Variants in NTSR1 observed in about 807,000 individuals in gnomAD.
NTSR1 encodes neurotensin receptor 1, also known as neurotensin receptor type 1.
Under a neutral mutation model 31.2 loss-of-function variants are expected in NTSR1, and 29 were observed. That is an observed-to-expected ratio of 0.93 (90% CI 0.69 to 1.27). NTSR1 has a LOEUF of 1.27. Ranked by LOEUF, NTSR1 falls within the 50% of genes most tolerant of loss-of-function variation. The probability of loss-of-function intolerance (pLI) is 0.00; values close to 1 mark genes in which losing one functional copy is unlikely to be tolerated. For missense variants in NTSR1, 697 were observed against 595.4 expected (o/e 1.17, Z -1.78); for synonymous variants, 282 against 269.9 (o/e 1.04, Z -0.44).
chr20:62,712,940 C>T (rs768186314), intron 1 of NTSR1, among the ~76,000 whole-genome samples: 3 of 152,208 alleles, frequency 2.0e-5, no homozygotes, highest in Non-Finnish European at 4.4e-5. Context: ...CTGTCCATGG[C>T]GTGTATACTG....
chr20:62,716,614 T>TGTTGGTTGTGGTTCAAAGCTCGTG (rs1988729156), intron 1 of NTSR1, among the ~76,000 whole-genome samples: 6 of 152,104 alleles, frequency 3.9e-5, no homozygotes, highest in African/African-American at 1.2e-4. Flanking sequence ...CGTGAGTCTG[T>TGTTGGTTGTGGTTCAAAGCTCGTG]GAAAAACAAC....
chr20:62,748,918 G>A (rs1006751281), intron 1 of NTSR1, among the ~76,000 whole-genome samples: 16 of 152,230 alleles, frequency 1.1e-4, no homozygotes, highest in South Asian at 2.1e-4. Flanking sequence ...GAACTTTTCC[G>A]AGAGTCCCCC....
At chr20:62,730,587 G>A (rs1306221180) in intron 1 of NTSR1, among the ~76,000 whole-genome samples, 2 of 152,188 alleles carry the variant, frequency 1.3e-5, no homozygotes, top group Non-Finnish European at 2.9e-5. Context: ...CACCCCTTTG[G>A]GAGTAGAAAT....
intron 1 of NTSR1, among the ~76,000 whole-genome samples, chr20:62,730,829 A>C (rs1489130157): frequency 1.3e-5 from 2 of 152,212 alleles, no homozygotes; most frequent in East Asian, 3.8e-4. Context: ...TTCTCTAATG[A>C]CATATGATGT....
chr20:62,713,213 C>A (rs1988651335), intron 1 of NTSR1, among the ~76,000 whole-genome samples: 1 of 152,230 alleles, frequency 6.6e-6, no homozygotes, highest in Admixed American at 6.5e-5. Flanking sequence ...GCTCAGCCTC[C>A]CTGCCTCCTC....
chr20:62,719,490 G>A lies in NTSR1; in HGVS notation c.714+9569G>A, dbSNP rs77903992. 7.7e-3 allele frequency among the ~76,000 whole-genome samples: 1,083 copies of A among 141,484 alleles called. 9 individuals carry two copies. The highest frequency in any genetic ancestry group is 0.027 in the African/African-American group (1,037 of 38,836). The allele number at this position is 141,484 out of a possible 152,430, so 92.8% of individuals were successfully genotyped here. On this transcript the variant is annotated intron_variant, in intron 1 of 3. Coordinates refer to ENST00000370501, the MANE Select transcript of NTSR1 (RefSeq NM_002531.3). Reference sequence around the variant, plus strand: ...TACGATCATCCCCACCCTCCCTCTCGGTACATCGTCATGCGACCATCTCCA... The same window carrying A: ...TACGATCATCCCCACCCTCCCTCTCAGTACATCGTCATGCGACCATCTCCA...
intron 1 of NTSR1, among the ~76,000 whole-genome samples, chr20:62,749,726 A>C (rs1386889190): frequency 6.6e-6 from 1 of 152,184 alleles, no homozygotes; most frequent in South Asian, 2.1e-4. Flanking sequence ...GGAAACTGCA[A>C]ATCAAAACCA....
chr20:62,738,409 A>T (rs1209564350), intron 1 of NTSR1, among the ~76,000 whole-genome samples: 1 of 152,242 alleles, frequency 6.6e-6, no homozygotes, highest in Non-Finnish European at 1.5e-5. Context: ...AGCTGCCAGC[A>T]GTAATAGCCC....
At chr20:62,717,393 G>C (rs1451918884) in intron 1 of NTSR1, among the ~76,000 whole-genome samples, 1 of 152,200 alleles carries the variant, frequency 6.6e-6, no homozygotes, top group East Asian at 1.9e-4. Flanking sequence ...GGTGGTTTTG[G>C]GTTGTCCCCA....
intron 1 of NTSR1, among the ~76,000 whole-genome samples, chr20:62,710,927 C>T (rs1021952505): frequency 6.6e-6 from 1 of 152,176 alleles, no homozygotes; most frequent in Non-Finnish European, 1.5e-5. Context: ...TCGCCTACCT[C>T]TGCCCAGCTA....
In NTSR1 at chr20:62,733,641, T is replaced by G. The variant is rs199655085; in HGVS notation, c.715-21044T>G. On this transcript the variant is annotated intron_variant, in intron 1 of 3. Transcript: ENST00000370501. The surrounding 1 kb of genome is among the most constrained non-coding windows in gnomAD (Gnocchi z 5.2). ...ACACACATGGAGAAAAAGAGGGAGA[T>G]AGAGAAGAGAGAGGGAGAGAGAAAA... Among the ~76,000 whole-genome samples, 7 of 147,674 alleles carry G rather than the reference T, an allele frequency of 4.7e-5. No individual in the cohort carries two copies. The highest frequency in any genetic ancestry group is 1.5e-4 in the African/African-American group (6 of 40,302).
Position 62,709,724 on chromosome 20 carries a change from C to G in NTSR1, c.517C>G (p.Pro173Ala). ...GGAGCGCTACCTGGCCATCTGCCAC[C>G]CCTTCAAGGCCAAGACCCTCATGTC... is the stretch of plus-strand genomic sequence containing the variant. ...SVERYLAICHPFKAKTLMSRS... is the reference protein window; with the variant it reads ...SVERYLAICHAFKAKTLMSRS... Residue 173 changes from proline to alanine, a missense_variant, in exon 1 of 4, where the codon CCC (proline) becomes GCC (alanine). By Grantham distance (27) the Pro-to-Ala change is conservative. Transcript: ENST00000370501. 6.2e-7 allele frequency: 1 copy of G among 1,612,954 alleles called. No individual in the cohort carries two copies. Among genetic ancestry groups the G allele is most frequent in the Non-Finnish European group, 8.5e-7 (1 of 1,179,908 alleles).
chr20:62,735,633 G>T (rs954704035), intron 1 of NTSR1, among the ~76,000 whole-genome samples: 10 of 152,202 alleles, frequency 6.6e-5, no homozygotes, highest in East Asian at 3.9e-4. Flanking sequence ...CAGCCTCCCC[G>T]CAAGGTGGCC....
At chr20:62,739,850 A>G (rs1471452882) in intron 1 of NTSR1, among the ~76,000 whole-genome samples, 1 of 152,274 alleles carries the variant, frequency 6.6e-6, no homozygotes, top group African/African-American at 2.4e-5. Flanking sequence ...ACTGGAGAAC[A>G]GGCCGGCGGG....
chr20:62,710,651 G>C (rs1306767858), intron 1 of NTSR1, among the ~76,000 whole-genome samples: 4 of 152,170 alleles, frequency 2.6e-5, no homozygotes. Flanking sequence ...GGCCCTCCAA[G>C]GGTCTGAGCA....
chr20:62,747,771 C>A (rs1401635518), intron 1 of NTSR1, among the ~76,000 whole-genome samples: 10 of 151,070 alleles, frequency 6.6e-5, no homozygotes, highest in African/African-American at 2.4e-4. Context: ...AAAACAAAAA[C>A]AAAAAAAAAC....
In NTSR1 at chr20:62,709,947, G is replaced by C. The variant is rs376638007; in HGVS notation, c.714+26G>C. On this transcript the variant is annotated intron_variant, in intron 1 of 3. Transcript: ENST00000370501. ...GTGAGCCTCAGTAACCAGCCCCGGG[G>C]CTCCCCTCTCCTTCACCCCAAAAGC... 23 of 1,528,832 alleles carry C rather than the reference G, an allele frequency of 1.5e-5. No homozygotes were observed. The East Asian group carries it at 5.1e-4, about 34-fold the overall frequency. The allele number at this position is 1,528,832 out of a possible 1,614,324, so 94.7% of individuals were successfully genotyped here. A position where few individuals can be genotyped will look rare whatever the true frequency, so the allele number is the denominator to read the frequency against.
chr20:62,709,827 T>A lies in NTSR1; in HGVS notation c.620T>A (p.Met207Lys). 4 of 1,612,352 alleles carry A rather than the reference T, an allele frequency of 2.5e-6. No homozygotes were observed. In the Admixed American group the frequency reaches 5.0e-5, roughly 20 times the overall value. ...CTGGCGGTGCCTATGCTGTTCACCA[T>A]GGGCGAGCAGAACCGCAGCGCCGAC... ...ALLAVPMLFT[M>K]GEQNRSADGQ... The change falls in exon 1 of 4, where the codon ATG becomes AAG. Residue 207 changes from methionine (M) to lysine (K), a missense_variant. Coordinates refer to ENST00000370501, the MANE Select transcript of NTSR1 (RefSeq NM_002531.3).
Position 62,760,190 on chromosome 20 carries a change from G to A in NTSR1, c.1180G>A (p.Ala394Thr). The change falls in exon 4 of 4, where the codon GCC becomes ACC. Residue 394 changes from alanine (A) to threonine (T), a missense_variant. By Grantham distance (58) the Ala-to-Thr change is moderately conservative (BLOSUM62 0). Coordinates refer to ENST00000370501, the MANE Select transcript of NTSR1 (RefSeq NM_002531.3). ...PVWRRRRKRP[A>T]FSRKADSVSS... ...GTGGCGGCGCAGGAGGAAGAGGCCA[G>A]CCTTCTCGAGGAAGGCCGACAGCGT... is the stretch of plus-strand genomic sequence containing the variant. 1.2e-6 allele frequency: 2 copies of A among 1,613,946 alleles called. No homozygotes were observed. Among genetic ancestry groups the A allele is most frequent in the Non-Finnish European group, 1.7e-6 (2 of 1,180,018 alleles).
Sources: allele counts gnomAD v4.1 joint callset (sites outside exome capture counted in the v4.1 genomes callset), GRCh38; gene constraint gnomAD v4.1.1; non-coding constraint Gnocchi (gnomAD v3.1); transcripts MANE v1.5; gene names NCBI Gene and HGNC (gene_info 2026-07-23, HGNC 2026-07-21).